The following WNK3 variants were observed in gnomAD, a reference collection of about 807,000 sequenced individuals.
WNK3 encodes the protein WNK lysine deficient protein kinase 3.
WNK3 carries 18 observed loss-of-function variants against 116.7 expected under a neutral mutation model. The ratio of observed to expected loss-of-function variants is 0.15; its 90% CI spans 0.11 to 0.23. WNK3 has a LOEUF of 0.23. Ranked by LOEUF, WNK3 falls within the 10% of genes least tolerant of loss-of-function variation. The pLI, the probability that WNK3 is intolerant of heterozygous loss-of-function variation, is 1.00. For synonymous variants in WNK3, 404 were observed against 469.4 expected (o/e 0.86, Z 1.80); for missense variants, 993 against 1,323.8 (o/e 0.75, Z 3.88).
Position 54,307,030 on chromosome X carries a change from C to A in WNK3, c.1089+892G>T, listed in dbSNP as rs782496768. Among the ~76,000 whole-genome samples, 275 of 109,476 alleles carry A rather than the reference C, an allele frequency of 2.5e-3. 2 individuals are homozygous for A. Among genetic ancestry groups the A allele is most frequent in the African/African-American group, 8.7e-3 (263 of 30,098 alleles). On this transcript the variant is annotated intron_variant, in intron 5 of 23. Transcript: ENST00000354646. Reference sequence around the variant, plus strand: ...GAATCACAAGGTCAAGAGATCAAGACCATCCTGGCCAACATGGTGAAACCC... The same window carrying A: ...GAATCACAAGGTCAAGAGATCAAGAACATCCTGGCCAACATGGTGAAACCC...
At chrX:54,311,007 G>A (rs782013514) in intron 3 of WNK3, 112 bp downstream of exon 3, 688 of 542,717 alleles carry the variant, frequency 1.3e-3, no homozygotes, top group Middle Eastern at 0.012. Flanking sequence ...TAGCCACTGC[G>A]CCTGGCCAGA....
chrX:54,349,164 C>T (rs899382542), intron 1 of WNK3, among the ~76,000 whole-genome samples: 2 of 111,847 alleles, frequency 1.8e-5, no homozygotes, highest in African/African-American at 6.5e-5. Context: ...GGCAAAACCC[C>T]GTCTCCACTA....
chrX:54,290,909 G>A (rs1260764126), intron 10 of WNK3, among the ~76,000 whole-genome samples: 3 of 111,241 alleles, frequency 2.7e-5, no homozygotes, highest in Non-Finnish European at 3.8e-5. Context: ...GGTGAAAAGG[G>A]CAGGCTACAA....
intron 10 of WNK3, among the ~76,000 whole-genome samples, chrX:54,273,893 G>A (rs782085390): frequency 9.0e-6 from 1 of 111,314 alleles, no homozygotes; most frequent in South Asian, 3.8e-4. Flanking sequence ...ATAGTGAGCA[G>A]CAAGGAAATT....
intron 10 of WNK3, among the ~76,000 whole-genome samples, chrX:54,285,278 C>T (rs782104846): frequency 3.6e-5 from 4 of 111,010 alleles, no homozygotes; most frequent in South Asian, 3.8e-4. Flanking sequence ...CGGAGTGGTG[C>T]GCACCTGTGG....
At chrX:54,317,359 C>T (rs782165257) in intron 2 of WNK3, among the ~76,000 whole-genome samples, 1 of 110,212 alleles carries the variant, frequency 9.1e-6, no homozygotes, top group South Asian at 3.9e-4. Context: ...GGGGTTTCAC[C>T]ATGTTGGCCA....
intron 17 of WNK3, among the ~76,000 whole-genome samples, chrX:54,240,493 A>G (rs1203525384): frequency 3.6e-5 from 4 of 111,914 alleles, no homozygotes; most frequent in Non-Finnish European, 7.5e-5. Context: ...GAAATTACAG[A>G]AAAGAATTTT....
chrX:54,234,144 C>T (rs2067935906), intron 20 of WNK3, among the ~76,000 whole-genome samples: 1 of 111,455 alleles, frequency 9.0e-6, no homozygotes. Context: ...GAGGCTGAGA[C>T]AGGAGGATGG....
intron 22 of WNK3, among the ~76,000 whole-genome samples, chrX:54,211,278 C>T (rs2067609395): frequency 9.2e-6 from 1 of 108,811 alleles, no homozygotes. Flanking sequence ...CCTGTCTCTA[C>T]TAAAAATAGA....
chrX:54,291,129 C>G (rs911793420), intron 10 of WNK3, among the ~76,000 whole-genome samples: 2 of 110,436 alleles, frequency 1.8e-5, no homozygotes, highest in African/African-American at 6.6e-5. Flanking sequence ...CTGGCTAACA[C>G]GGTGAAAGCC....
At chrX:54,201,903 C>T in intron 23 of WNK3, 88 bp downstream of exon 23, 1 of 776,282 alleles carries the variant, frequency 1.3e-6, no homozygotes, top group Admixed American at 2.8e-5. Context: ...ACTACTCTCT[C>T]ATAGTGACTG....
At chrX:54,336,960 A>G (rs781837473) in intron 1 of WNK3, among the ~76,000 whole-genome samples, 1 of 111,608 alleles carries the variant, frequency 9.0e-6, no homozygotes, top group Non-Finnish European at 1.9e-5. Context: ...ACATTGCCAA[A>G]TCACTTCCAA....
chrX:54,318,785 C>CTT (rs1298471338), intron 2 of WNK3, among the ~76,000 whole-genome samples: 1 of 106,272 alleles, frequency 9.4e-6, no homozygotes, highest in Non-Finnish European at 2.0e-5. Context: ...TAAGTCTTTT[C>CTT]TTTTTTTTTT....
At chrX:54,241,082 G>A (rs2068017413) in intron 17 of WNK3, among the ~76,000 whole-genome samples, 2 of 111,559 alleles carry the variant, frequency 1.8e-5, no homozygotes, top group South Asian at 7.6e-4. Context: ...GCAGAGGCAT[G>A]CGCCCCCAAA....
intron 22 of WNK3, among the ~76,000 whole-genome samples, chrX:54,219,552 C>T (rs1366521870): frequency 9.4e-6 from 1 of 106,739 alleles, no homozygotes; most frequent in Non-Finnish European, 1.9e-5. Flanking sequence ...GTGGCGGGCA[C>T]CTGTAATCCC....
intron 1 of WNK3, among the ~76,000 whole-genome samples, chrX:54,345,427 G>A (rs2069409661): frequency 9.1e-6 from 1 of 110,425 alleles, no homozygotes; most frequent in Admixed American, 9.9e-5. Context: ...TACTCGGAAT[G>A]AACTATTACC....
intron 23 of WNK3, among the ~76,000 whole-genome samples, chrX:54,199,888 T>A (rs1291114199): frequency 8.9e-6 from 1 of 112,012 alleles, no homozygotes; most frequent in East Asian, 2.8e-4. Context: ...TTCCTTATCA[T>A]TACCACTTTT....
At chrX:54,275,012 TA>T (rs142853353) in intron 10 of WNK3, among the ~76,000 whole-genome samples, 505 of 39,940 alleles carry the variant, frequency 0.013, 1 homozygote, top group Middle Eastern at 0.039. Flanking sequence ...CCCTGTCACA[TA>T]AAAAAAAAAA....
intron 4 of WNK3, 113 bp downstream of exon 4, chrX:54,308,982 A>C (rs1187065797): frequency 1.4e-5 from 8 of 570,303 alleles, no homozygotes; most frequent in East Asian, 1.1e-4. Context: ...TTACAAAAAC[A>C]GGCAGTGAGC....
Sources: allele counts gnomAD v4.1 joint callset (sites outside exome capture counted in the v4.1 genomes callset), GRCh38; gene constraint gnomAD v4.1.1; transcripts MANE v1.5; gene names NCBI Gene and HGNC (gene_info 2026-07-23, HGNC 2026-07-21).